The following CADPS2 variants were observed in gnomAD, a reference collection of about 807,000 sequenced individuals.
The protein encoded by CADPS2 is calcium dependent secretion activator 2.
A neutral mutation model predicts 172.5 loss-of-function variants in CADPS2; 93 were observed. The ratio of observed to expected loss-of-function variants is 0.54; its 90% CI spans 0.46 to 0.64. The LOEUF (loss-of-function observed/expected upper bound fraction) is 0.64, where lower values mean the gene tolerates loss of function less well. CADPS2 is among the 30% of genes least tolerant of loss of function. CADPS2 has a pLI of 0.00. For synonymous variants in CADPS2, 546 were observed against 555.2 expected (o/e 0.98, Z 0.23); for missense variants, 1,420 against 1,565.9 (o/e 0.91, Z 1.57).
chr7:122,653,054 C>G (rs1161142332), intron 3 of CADPS2, among the ~76,000 whole-genome samples: 1 of 152,110 alleles, frequency 6.6e-6, no homozygotes, highest in East Asian at 1.9e-4. Context: ...AAGGATATTA[C>G]CAAACGATGG....
chr7:122,624,905 A>G (rs2075935107), intron 4 of CADPS2, among the ~76,000 whole-genome samples: 1 of 152,174 alleles, frequency 6.6e-6, no homozygotes, highest in Admixed American at 6.5e-5. Flanking sequence ...AGAAAGTCAT[A>G]AGTGGCATGG....
chr7:122,445,859 A>C lies in CADPS2; in HGVS notation c.2289-4284T>G, dbSNP rs181863746. On this transcript the variant is annotated intron_variant, in intron 15 of 29. Transcript: ENST00000449022. ...TAGGATTCTGCAACTTAAATATTGGAGTGGAATTTTTTAGATTCGGTAAGA... is the reference window on the plus strand; with the variant it reads ...TAGGATTCTGCAACTTAAATATTGGCGTGGAATTTTTTAGATTCGGTAAGA... Among the ~76,000 whole-genome samples, 56 of 152,226 alleles carry C rather than the reference A, an allele frequency of 3.7e-4. 1 individual carries two copies. The highest frequency in any genetic ancestry group is 3.4e-3 in the Middle Eastern group (1 of 294).
chr7:122,594,816 T>A (rs186075942), intron 6 of CADPS2, among the ~76,000 whole-genome samples: 89 of 151,890 alleles, frequency 5.9e-4, no homozygotes, highest in African/African-American at 2.0e-3. Context: ...TAATCCAAGA[T>A]GTGACAAACA....
intron 8 of CADPS2, among the ~76,000 whole-genome samples, chr7:122,548,846 C>T (rs2063897000): frequency 6.6e-6 from 1 of 151,934 alleles, no homozygotes; most frequent in South Asian, 2.1e-4. Context: ...CATTTTTCTC[C>T]CTTGGACATA....
At chr7:122,337,832 G>C (rs62473067) in intron 28 of CADPS2, among the ~76,000 whole-genome samples, 14 of 150,536 alleles carry the variant, frequency 9.3e-5, no homozygotes, top group Non-Finnish European at 1.9e-4. Context: ...ATAGAAACAG[G>C]CTTGACTATG....
intron 6 of CADPS2, among the ~76,000 whole-genome samples, chr7:122,611,695 G>A (rs1164834034): frequency 6.6e-6 from 1 of 151,632 alleles, no homozygotes; most frequent in Non-Finnish European, 1.5e-5. Context: ...AAAATTGAAG[G>A]GTCCACTTAA....
At chr7:122,820,154 A>T (rs981875919) in intron 1 of CADPS2, among the ~76,000 whole-genome samples, 2 of 152,096 alleles carry the variant, frequency 1.3e-5, no homozygotes, top group Non-Finnish European at 2.9e-5. Context: ...ACAACCCATT[A>T]TTCTGTTCTA....
At chr7:122,702,064 C>G in intron 2 of CADPS2, 1 of 1,613,586 alleles carries the variant, frequency 6.2e-7, no homozygotes, top group South Asian at 1.1e-5. Flanking sequence ...TCACATCTGT[C>G]TTTATTTGAC....
intron 14 of CADPS2, among the ~76,000 whole-genome samples, chr7:122,453,954 C>T (rs1450695210): frequency 3.3e-5 from 5 of 152,162 alleles, no homozygotes; most frequent in East Asian, 1.9e-4. Flanking sequence ...TTAAATACCA[C>T]GTTTAGCAAT....
At chr7:122,491,175 A>G in intron 10 of CADPS2, 137 bp downstream of exon 10, 1 of 454,464 alleles carries the variant, frequency 2.2e-6, no homozygotes, top group East Asian at 3.4e-5. Flanking sequence ...GAATCTCATA[A>G]AGTCTTGCCC....
Position 122,886,126 on chromosome 7 carries a change from G to C in CADPS2, c.212C>G (p.Pro71Arg). The C allele has an allele frequency of 6.4e-7, 1 of 1,557,562 alleles. No individual in the cohort carries two copies. Among genetic ancestry groups the C allele is most frequent in the Non-Finnish European group, 8.7e-7 (1 of 1,151,504 alleles). The stretch of plus-strand genomic sequence containing the variant: ...CTGCTCATCGTCCAGCTGCCGCTGG[G>C]GCTCGTCTCGCCCCTCGCTGAGCAC... ...PSVLSEGRDEPQRQLDDEQER... is the reference protein window; with the variant it reads ...PSVLSEGRDERQRQLDDEQER... The change falls in exon 1 of 30, where the codon CCC (proline) becomes CGC (arginine). Residue 71 changes from proline (P) to arginine (R), a missense_variant. Physicochemically the swap from Pro to Arg is moderately radical, Grantham distance 103 (BLOSUM62 -2). Transcript: ENST00000449022.
In CADPS2 at chr7:122,493,624, G is replaced by T. The variant is rs544497388; in HGVS notation, c.1543-2204C>A. On this transcript the variant is annotated intron_variant, in intron 9 of 29. Transcript: ENST00000449022. ...GTGTGGACTTTCTGGAAGGCAATCT[G>T]GCAACAGGTTCTATGATATACTTAC... Among the ~76,000 whole-genome samples, 12 of 152,206 alleles carry T rather than the reference G, an allele frequency of 7.9e-5. No homozygotes were observed. The South Asian group carries it at 1.2e-3, about 16-fold the overall frequency.
chr7:122,442,013 C>T (rs935890443), intron 15 of CADPS2, among the ~76,000 whole-genome samples: 1 of 152,192 alleles, frequency 6.6e-6, no homozygotes, highest in East Asian at 1.9e-4. Context: ...CCAGCTCTTT[C>T]CTTTGCTGAC....
At chr7:122,480,794 A>G (rs1251679517) in intron 12 of CADPS2, 58 bp downstream of exon 12, 1 of 1,173,030 alleles carries the variant, frequency 8.5e-7, no homozygotes, top group Non-Finnish European at 1.2e-6. Flanking sequence ...TTCCTCAAAC[A>G]TAGTATCATT....
intron 8 of CADPS2, among the ~76,000 whole-genome samples, chr7:122,531,808 A>G (rs2061778691): frequency 6.6e-6 from 1 of 152,074 alleles, no homozygotes; most frequent in Admixed American, 6.6e-5. Flanking sequence ...TGAGGTAGGC[A>G]GATCACAAGG....
chr7:122,743,586 G>T (rs943766727), intron 1 of CADPS2, among the ~76,000 whole-genome samples: 19 of 152,160 alleles, frequency 1.2e-4, no homozygotes, highest in Admixed American at 1.2e-3. Context: ...GTCCCTCCAG[G>T]ATTGGGGCAT....
intron 1 of CADPS2, among the ~76,000 whole-genome samples, chr7:122,740,095 G>T (rs993728690): frequency 6.6e-6 from 1 of 152,096 alleles, no homozygotes; most frequent in African/African-American, 2.4e-5. Context: ...TGCTGGCAAG[G>T]ATATAGACCA....
chr7:122,490,464 G>C lies in CADPS2; in HGVS notation c.1652-183C>G, dbSNP rs145102172. On this transcript the variant is annotated intron_variant, in intron 10 of 29. Coordinates refer to ENST00000449022, the MANE Select transcript of CADPS2 (RefSeq NM_017954.11). ...TTTGAAGAAAAACAATAACAAAAAGGGTTAAGCTCCCATATTACCTCAGAA... is the reference window on the plus strand; with the variant it reads ...TTTGAAGAAAAACAATAACAAAAAGCGTTAAGCTCCCATATTACCTCAGAA... Among the ~76,000 whole-genome samples the C allele has an allele frequency of 4.7e-3, 720 of 152,086 alleles. 5 individuals carry two copies. The highest frequency in any genetic ancestry group is 0.016 in the African/African-American group (664 of 41,508).
At chr7:122,635,076 C>T (rs554602705) in intron 3 of CADPS2, among the ~76,000 whole-genome samples, 6 of 152,192 alleles carry the variant, frequency 3.9e-5, no homozygotes, top group African/African-American at 1.4e-4. Context: ...AAGCATGTGT[C>T]AATCTTAGAA....
Sources: gnomAD v4.1 joint callset for allele counts (sites outside exome capture counted in the v4.1 genomes callset) on GRCh38, gnomAD v4.1.1 for gene constraint, MANE v1.5 for transcripts, NCBI Gene and HGNC (gene_info 2026-07-23, HGNC 2026-07-21) for gene names.